The following KIF21A variants were observed in gnomAD, a reference collection of about 807,000 sequenced individuals.
The protein encoded by KIF21A is kinesin family member 21A.
KIF21A carries 114 observed loss-of-function variants against 202.9 expected under a neutral mutation model. The ratio of observed to expected loss-of-function variants is 0.56; its 90% CI spans 0.48 to 0.66. The LOEUF (loss-of-function observed/expected upper bound fraction) is 0.66. Ranked by LOEUF, KIF21A falls within the 30% of genes least tolerant of loss-of-function variation. KIF21A has a pLI of 0.00. For missense variants in KIF21A, 1,677 were observed against 1,994.9 expected (o/e 0.84, Z 3.04); for synonymous variants, 667 against 670.8 (o/e 0.99, Z 0.09).
At chr12:39,368,445 C>T (rs1017199761) in intron 3 of KIF21A, among the ~76,000 whole-genome samples, 17 of 152,174 alleles carry the variant, frequency 1.1e-4, no homozygotes, top group South Asian at 4.1e-4. Context: ...CCTTTCTTAA[C>T]GTGTTGAAAA....
At chr12:39,389,766 A>G (rs1392875185) in intron 1 of KIF21A, among the ~76,000 whole-genome samples, 3 of 152,164 alleles carry the variant, frequency 2.0e-5, no homozygotes, top group African/African-American at 7.2e-5. Flanking sequence ...TTTCTGAGGT[A>G]TCTATTGTTA....
intron 1 of KIF21A, among the ~76,000 whole-genome samples, chr12:39,377,162 T>C (rs1257028114): frequency 6.6e-6 from 1 of 152,130 alleles, no homozygotes; most frequent in African/African-American, 2.4e-5. Context: ...TATCTGTAAC[T>C]AGCCCACTTG....
intron 1 of KIF21A, among the ~76,000 whole-genome samples, chr12:39,431,622 G>T (rs532632707): frequency 6.6e-6 from 1 of 152,106 alleles, no homozygotes. Context: ...CATGAAGAAC[G>T]TCATCTGAAA....
intron 1 of KIF21A, 86 bp from the exon 2 acceptor site, chr12:39,370,347 A>C: frequency 1.0e-6 from 1 of 977,212 alleles, no homozygotes; most frequent in Non-Finnish European, 1.6e-6. Flanking sequence ...ACTCTTGGCC[A>C]AATCTTTTTT....
intron 1 of KIF21A, among the ~76,000 whole-genome samples, chr12:39,386,861 G>A (rs1484507584): frequency 6.6e-6 from 1 of 152,120 alleles, no homozygotes; most frequent in African/African-American, 2.4e-5. Flanking sequence ...TAAAGCAAGA[G>A]GTTCAGAAGA....
intron 1 of KIF21A, among the ~76,000 whole-genome samples, chr12:39,393,035 G>A (rs1309935655): frequency 2.0e-5 from 3 of 149,888 alleles, no homozygotes; most frequent in African/African-American, 4.9e-5. Flanking sequence ...CATTTTAAAA[G>A]AAAATGTTTC....
intron 14 of KIF21A, 63 bp downstream of exon 14, chr12:39,341,442 T>G (rs1947434969): frequency 6.7e-7 from 1 of 1,497,370 alleles, no homozygotes; most frequent in African/African-American, 1.4e-5. Context: ...GTTAAGAGTT[T>G]TCTGTCATGG....
intron 1 of KIF21A, among the ~76,000 whole-genome samples, chr12:39,407,980 C>T (rs1952745771): frequency 6.6e-6 from 1 of 150,534 alleles, no homozygotes; most frequent in Non-Finnish European, 1.5e-5. Context: ...GAAAACGTGA[C>T]AAATAGTCAA....
intron 10 of KIF21A, 132 bp downstream of exon 10, chr12:39,356,700 T>G (rs1236552656): frequency 7.2e-6 from 4 of 558,710 alleles, no homozygotes; most frequent in South Asian, 4.3e-5. Flanking sequence ...TCTCCTAAAG[T>G]TAACCTAACC....
intron 1 of KIF21A, among the ~76,000 whole-genome samples, chr12:39,388,137 G>T (rs1178380580): frequency 6.6e-6 from 1 of 152,154 alleles, no homozygotes; most frequent in African/African-American, 2.4e-5. Flanking sequence ...GGAGGTGTTT[G>T]GGTCATGGAG....
intron 7 of KIF21A, among the ~76,000 whole-genome samples, chr12:39,360,640 A>AC (rs1264472494): frequency 6.7e-6 from 1 of 150,240 alleles, no homozygotes; most frequent in African/African-American, 2.5e-5. Context: ...TTATCCGCCC[A>AC]CCTAGGCCTC....
chr12:39,427,155 G>A (rs1219344521), intron 1 of KIF21A, among the ~76,000 whole-genome samples: 2 of 152,156 alleles, frequency 1.3e-5, no homozygotes, highest in Non-Finnish European at 2.9e-5. Context: ...GTGGGGCTCA[G>A]TAACTAATAA....
intron 1 of KIF21A, among the ~76,000 whole-genome samples, chr12:39,420,074 T>TAAAAAAAAA (rs72435342): frequency 2.4e-5 from 2 of 83,130 alleles, no homozygotes; most frequent in African/African-American, 4.4e-5. Flanking sequence ...AGACAGAAAG[T>TAAAAAAAAA]AAAAAAAAAA....
chr12:39,425,884 G>C (rs1954700615), intron 1 of KIF21A, among the ~76,000 whole-genome samples: 1 of 140,222 alleles, frequency 7.1e-6, no homozygotes, highest in Non-Finnish European at 1.5e-5. Flanking sequence ...CTTATAACAA[G>C]AGCTAGCTAC....
rs1947484848 is a variant in KIF21A, at chr12:39,342,018, A to G, written c.1803+16T>C. ...CCTGGTGACTAAAACTGACAAGTTC[A>G]TTCTTTCATACTTACCACTTCTAAT... On this transcript the variant is annotated intron_variant, in intron 13 of 37. Coordinates refer to ENST00000361418, the MANE Select transcript of KIF21A (RefSeq NM_001173464.2). 6.4e-7 allele frequency: 1 copy of G among 1,564,260 alleles called. No homozygotes were observed. Among genetic ancestry groups the G allele is most frequent in the Non-Finnish European group, 8.8e-7 (1 of 1,135,724 alleles).
At chr12:39,373,423 A>G (rs937697457) in intron 1 of KIF21A, among the ~76,000 whole-genome samples, 2 of 152,158 alleles carry the variant, frequency 1.3e-5, no homozygotes, top group African/African-American at 2.4e-5. Flanking sequence ...GCATTTCAAC[A>G]TAAAGTCCTG....
chr12:39,439,778 G>T (rs1486491366), intron 1 of KIF21A, among the ~76,000 whole-genome samples: 2 of 152,002 alleles, frequency 1.3e-5, no homozygotes, highest in Non-Finnish European at 1.5e-5. Context: ...ACTGTAAAAA[G>T]GTATTTTTGG....
chr12:39,438,620 CA>C (rs1423990867), intron 1 of KIF21A, among the ~76,000 whole-genome samples: 5 of 152,158 alleles, frequency 3.3e-5, no homozygotes, highest in Admixed American at 3.3e-4. Context: ...CCACATTACA[CA>C]CTAATCCAAA....
chr12:39,330,941 C>A, intron 22 of KIF21A, 30 bp from the exon 23 acceptor site: 1 of 1,609,228 alleles, frequency 6.2e-7, no homozygotes, highest in South Asian at 1.1e-5. Flanking sequence ...TATCTTAGGT[C>A]ATACGAAACA....
Sources: allele counts gnomAD v4.1 joint callset (sites outside exome capture counted in the v4.1 genomes callset), GRCh38; gene constraint gnomAD v4.1.1; transcripts MANE v1.5; gene names NCBI Gene and HGNC (gene_info 2026-07-23, HGNC 2026-07-21).